KCNH1: variants seen among roughly 807,000 people sequenced by gnomAD.
KCNH1 encodes voltage-gated delayed rectifier potassium channel KCNH1.
KCNH1 carries 27 observed loss-of-function variants against 69.2 expected under a neutral mutation model. That is an observed-to-expected ratio of 0.39 (90% CI 0.29 to 0.54). KCNH1 has a LOEUF of 0.54. KCNH1 is among the 20% of genes least tolerant of loss of function. KCNH1 has a pLI of 0.68. For synonymous variants in KCNH1, 456 were observed against 487.7 expected, an observed-to-expected ratio of 0.93 and a Z score of 0.86; for missense variants, 798 against 1,261.6, an observed-to-expected ratio of 0.63 and a Z score of 5.57.
intron 7 of KCNH1, among the ~76,000 whole-genome samples, chr1:210,917,970 A>G (rs1022707874): frequency 6.6e-6 from 1 of 152,208 alleles, no homozygotes. Context: ...TATCTCTATT[A>G]AAACACATTT....
chr1:210,865,942 G>T (rs1347753230), intron 7 of KCNH1, among the ~76,000 whole-genome samples: 3 of 152,140 alleles, frequency 2.0e-5, no homozygotes, highest in Non-Finnish European at 4.4e-5. Context: ...CAGGCTAAAT[G>T]TGGGTCAAAA....
At chr1:211,024,933 G>A (rs901001869) in intron 5 of KCNH1, among the ~76,000 whole-genome samples, 3 of 152,158 alleles carry the variant, frequency 2.0e-5, no homozygotes, top group African/African-American at 7.2e-5. Flanking sequence ...GTCCTACCTA[G>A]CAAGAGATGG....
chr1:210,766,066 A>G (rs1406206262), intron 10 of KCNH1, among the ~76,000 whole-genome samples: 2 of 151,950 alleles, frequency 1.3e-5, no homozygotes, highest in African/African-American at 2.4e-5. Context: ...CTGTCTCAAA[A>G]AAGAAGAAGA....
chr1:211,035,327 C>T (rs1571596139), intron 5 of KCNH1, among the ~76,000 whole-genome samples: 2 of 137,552 alleles, frequency 1.5e-5, no homozygotes, highest in Admixed American at 7.9e-5. Flanking sequence ...CGGCTCACTG[C>T]AAGCTCCGCC....
intron 5 of KCNH1, among the ~76,000 whole-genome samples, chr1:211,040,506 G>A (rs554716938): frequency 2.0e-5 from 3 of 152,214 alleles, no homozygotes; most frequent in African/African-American, 7.2e-5. Context: ...AGTAAGAAGT[G>A]CCTCTCACTT....
At chr1:210,979,432 T>C (rs1272716993) in intron 6 of KCNH1, among the ~76,000 whole-genome samples, 1 of 152,232 alleles carries the variant, frequency 6.6e-6, no homozygotes, top group Non-Finnish European at 1.5e-5. Context: ...CACTGAGCCA[T>C]AGCTAATCCA....
At chr1:211,063,948 A>C (rs1690482647) in intron 5 of KCNH1, among the ~76,000 whole-genome samples, 1 of 152,238 alleles carries the variant, frequency 6.6e-6, no homozygotes, top group Admixed American at 6.5e-5. Context: ...CATGTATCCC[A>C]TAAATATGTA....
intron 7 of KCNH1, among the ~76,000 whole-genome samples, chr1:210,852,547 A>G (rs558237160): frequency 9.3e-4 from 141 of 152,164 alleles, no homozygotes; most frequent in South Asian, 1.7e-3. Flanking sequence ...CTGAGGAAAA[A>G]ATTTTTAAAG....
At chr1:210,765,101 A>C (rs1683599933) in intron 10 of KCNH1, among the ~76,000 whole-genome samples, 1 of 152,202 alleles carries the variant, frequency 6.6e-6, no homozygotes, top group Non-Finnish European at 1.5e-5. Flanking sequence ...GAACTAATGC[A>C]CAAACAGAAA....
intron 8 of KCNH1, among the ~76,000 whole-genome samples, chr1:210,803,447 G>A (rs992319021): frequency 7.2e-5 from 11 of 152,214 alleles, no homozygotes; most frequent in Admixed American, 6.5e-4. Context: ...GTTGAGATGA[G>A]TGAGGCAACA....
chr1:210,822,189 A>T (rs1047184822), intron 7 of KCNH1, among the ~76,000 whole-genome samples: 1 of 151,582 alleles, frequency 6.6e-6, no homozygotes, highest in African/African-American at 2.4e-5. Context: ...CAGGGCATGC[A>T]TTGGGCCCAG....
chr1:210,853,119 A>G (rs577326273), intron 7 of KCNH1, among the ~76,000 whole-genome samples: 1 of 152,206 alleles, frequency 6.6e-6, no homozygotes, highest in African/African-American at 2.4e-5. Context: ...AAAAAAGTGC[A>G]AGAGATCTGG....
intron 6 of KCNH1, among the ~76,000 whole-genome samples, chr1:210,998,699 C>G (rs1472706449): frequency 2.0e-5 from 3 of 152,212 alleles, no homozygotes; most frequent in African/African-American, 4.8e-5. Flanking sequence ...CCCAAATCAA[C>G]AGAATATACA....
At position 210,917,233 on chromosome 1, in the gene KCNH1, A is replaced by C. The variant is rs765968453; in HGVS notation, c.1462+2407T>G. 7.4e-4 allele frequency among the ~76,000 whole-genome samples: 73 copies of C among 98,814 alleles called. 1 individual carries two copies. The highest frequency in any genetic ancestry group is 2.5e-3 in the South Asian group (7 of 2,752). 64.8% of individuals were successfully genotyped at this position (98,814 alleles called of 152,430 possible). ...AGAGAGAGAGAGAGAGAGAGAGAGAAAGAAAGAAAGAAAGAAAGAAAGAAA... is the reference window on the plus strand; with the variant it reads ...AGAGAGAGAGAGAGAGAGAGAGAGACAGAAAGAAAGAAAGAAAGAAAGAAA... On this transcript the variant is annotated intron_variant, in intron 7 of 10. Coordinates refer to ENST00000271751, the MANE Select transcript of KCNH1 (RefSeq NM_172362.3).
intron 5 of KCNH1, among the ~76,000 whole-genome samples, chr1:211,041,583 T>C (rs1194460673): frequency 6.6e-6 from 1 of 152,230 alleles, no homozygotes; most frequent in African/African-American, 2.4e-5. Context: ...ATACATCAAC[T>C]TGTATTCCAT....
intron 9 of KCNH1, among the ~76,000 whole-genome samples, chr1:210,781,347 G>C (rs958120248): frequency 1.3e-5 from 2 of 152,100 alleles, no homozygotes; most frequent in Non-Finnish European, 2.9e-5. Flanking sequence ...AGTACAGTAA[G>C]GGTTGCCCTC....
intron 1 of KCNH1, among the ~76,000 whole-genome samples, chr1:211,118,122 A>G (rs1691616762): frequency 2.6e-5 from 4 of 152,238 alleles, no homozygotes; most frequent in Admixed American, 2.6e-4. Flanking sequence ...TTGTCAAATG[A>G]GTCAACAATA....
intron 6 of KCNH1, among the ~76,000 whole-genome samples, chr1:210,957,218 G>A (rs1688194674): frequency 6.6e-6 from 1 of 152,178 alleles, no homozygotes; most frequent in South Asian, 2.1e-4. Flanking sequence ...ATGTAGTTGT[G>A]AAGTCTTGAG....
At chr1:211,052,011 A>T (rs1335557892) in intron 5 of KCNH1, among the ~76,000 whole-genome samples, 1 of 152,244 alleles carries the variant, frequency 6.6e-6, no homozygotes, top group African/African-American at 2.4e-5. Context: ...ACCTGATTTC[A>T]GCTAATCATT....
Sources: allele counts gnomAD v4.1 joint callset (sites outside exome capture counted in the v4.1 genomes callset), GRCh38; gene constraint gnomAD v4.1.1; transcripts MANE v1.5; gene names NCBI Gene and HGNC (gene_info 2026-07-23, HGNC 2026-07-21).